GRID1: variants seen among roughly 807,000 people sequenced by gnomAD.
GRID1 encodes the protein glutamate receptor ionotropic, delta-1.
In GRID1, 28 loss-of-function variants were observed where a neutral mutation model predicts 98.0. That is an observed-to-expected ratio of 0.29 (90% CI 0.21 to 0.39). The LOEUF (loss-of-function observed/expected upper bound fraction) is 0.39, where lower values mean the gene tolerates loss of function less well. Ranked by LOEUF, GRID1 falls within the 10% of genes least tolerant of loss-of-function variation. The pLI is 1.00. For synonymous variants in GRID1, 553 were observed against 538.5 expected (o/e 1.03, Z -0.37); for missense variants, 1,111 against 1,340.5 (o/e 0.83, Z 2.67).
intron 8 of GRID1, among the ~76,000 whole-genome samples, chr10:85,737,656 ATATATATATATATATAT>A (rs1841897537): frequency 7.6e-6 from 1 of 131,902 alleles, no homozygotes; most frequent in Non-Finnish European, 1.6e-5. Context: ...ATATATATAT[ATATATATATATATATAT>A]AAACATATAT....
At chr10:85,943,746 T>G (rs1842022358) in intron 4 of GRID1, among the ~76,000 whole-genome samples, 1 of 151,888 alleles carries the variant, frequency 6.6e-6, no homozygotes, top group Non-Finnish European at 1.5e-5. Context: ...AATAAGAAAA[T>G]AAAGGAGAAT....
chr10:85,706,450 G>A (rs576755559), intron 12 of GRID1, among the ~76,000 whole-genome samples: 1 of 152,176 alleles, frequency 6.6e-6, no homozygotes, highest in Non-Finnish European at 1.5e-5. Context: ...CCACTGCTCA[G>A]TGAATAAAAG....
intron 8 of GRID1, among the ~76,000 whole-genome samples, chr10:85,751,796 T>C (rs1313657843): frequency 2.0e-5 from 3 of 152,214 alleles, no homozygotes; most frequent in African/African-American, 7.2e-5. Context: ...GTTAAATTTA[T>C]TTAAAATTTA....
intron 4 of GRID1, among the ~76,000 whole-genome samples, chr10:85,965,664 A>T (rs1217724322): frequency 6.6e-6 from 1 of 152,154 alleles, no homozygotes; most frequent in East Asian, 1.9e-4. Flanking sequence ...GAGGGATAGC[A>T]TTATGAGAAA....
At chr10:85,770,934 A>T (rs1842258476) in intron 8 of GRID1, among the ~76,000 whole-genome samples, 1 of 152,232 alleles carries the variant, frequency 6.6e-6, no homozygotes, top group Non-Finnish European at 1.5e-5. Context: ...CCAGCCTAGC[A>T]AGGCAGGCCA....
chr10:85,732,392 C>T (rs147491118), intron 8 of GRID1, among the ~76,000 whole-genome samples: 4 of 152,276 alleles, frequency 2.6e-5, no homozygotes, highest in African/African-American at 7.2e-5. Context: ...CTTCCTGGTA[C>T]GGTGAAGGGG....
intron 3 of GRID1, among the ~76,000 whole-genome samples, chr10:86,185,415 A>G (rs1845714289): frequency 6.6e-6 from 1 of 152,152 alleles, no homozygotes; most frequent in Non-Finnish European, 1.5e-5. Context: ...TATAATCAGT[A>G]AATTTAAAGT....
intron 2 of GRID1, among the ~76,000 whole-genome samples, chr10:86,247,654 G>A (rs1846753374): frequency 6.6e-6 from 1 of 152,126 alleles, no homozygotes; most frequent in Non-Finnish European, 1.5e-5. Context: ...TTTCAAAGTT[G>A]GGAAACTAAG....
chr10:86,173,195 G>A (rs1334929154), intron 3 of GRID1, among the ~76,000 whole-genome samples: 1 of 152,144 alleles, frequency 6.6e-6, no homozygotes, highest in Non-Finnish European at 1.5e-5. Flanking sequence ...GTGCCACCAT[G>A]CTTGGCTAAT....
At chr10:86,154,853 G>A (rs1425832460) in intron 3 of GRID1, among the ~76,000 whole-genome samples, 1 of 152,034 alleles carries the variant, frequency 6.6e-6, no homozygotes, top group African/African-American at 2.4e-5. Context: ...AAAACCAGGG[G>A]ACACCCCAGC....
intron 5 of GRID1, among the ~76,000 whole-genome samples, chr10:85,912,761 T>C (rs1009949482): frequency 6.6e-6 from 1 of 152,228 alleles, no homozygotes; most frequent in East Asian, 1.9e-4. Flanking sequence ...TTCTGGAGCA[T>C]GTTGGAAAGT....
At chr10:85,895,045 A>C (rs890574826) in intron 5 of GRID1, among the ~76,000 whole-genome samples, 2 of 146,282 alleles carry the variant, frequency 1.4e-5, no homozygotes, top group African/African-American at 2.5e-5. Flanking sequence ...ATATATGTAA[A>C]ATATAACTCA....
chr10:85,604,855 A>G (rs541747534), intron 15 of GRID1, among the ~76,000 whole-genome samples: 11 of 152,228 alleles, frequency 7.2e-5, no homozygotes, highest in South Asian at 2.1e-4. Context: ...CTCAGCATCA[A>G]TGATCTTTTC....
At chr10:85,781,985 G>A (rs1207846169) in intron 8 of GRID1, among the ~76,000 whole-genome samples, 2 of 152,096 alleles carry the variant, frequency 1.3e-5, no homozygotes, top group African/African-American at 2.4e-5. Flanking sequence ...TTTAACATTG[G>A]TTTGATCTAT....
At chr10:85,867,286 G>C (rs1178174041) in intron 6 of GRID1, among the ~76,000 whole-genome samples, 2 of 152,194 alleles carry the variant, frequency 1.3e-5, no homozygotes, top group East Asian at 3.8e-4. Flanking sequence ...GTTCTTCAAG[G>C]AGACTGAGTG....
chr10:85,885,774 A>G (rs1462865183), intron 5 of GRID1, among the ~76,000 whole-genome samples: 2 of 152,264 alleles, frequency 1.3e-5, no homozygotes, highest in African/African-American at 4.8e-5. Context: ...TGTGGATGAC[A>G]GAGTTAAGGA....
chr10:85,918,421 G>A lies in GRID1; in HGVS notation c.727-2182C>T, dbSNP rs149827844. Among the ~76,000 whole-genome samples, 481 of 151,152 alleles carry A rather than the reference G, an allele frequency of 3.2e-3. 2 individuals carry two copies. The highest frequency in any genetic ancestry group is 0.011 in the African/African-American group (446 of 41,148). ...TGCCCCTTCCCGTCTCCCAAGGTAT[G>A]TAAAAGCACATCGCTGGGCTCTAGC... On this transcript the variant is annotated intron_variant, in intron 4 of 15. Coordinates refer to ENST00000327946, the MANE Select transcript of GRID1 (RefSeq NM_017551.3).
At chr10:85,905,320 A>G (rs1427565790) in intron 5 of GRID1, among the ~76,000 whole-genome samples, 1 of 152,000 alleles carries the variant, frequency 6.6e-6, no homozygotes, top group Non-Finnish European at 1.5e-5. Context: ...AGTCATTTTC[A>G]GACATACAAA....
chr10:85,656,629 A>C (rs550287569), intron 12 of GRID1, among the ~76,000 whole-genome samples: 1 of 152,280 alleles, frequency 6.6e-6, no homozygotes, highest in Non-Finnish European at 1.5e-5. Context: ...CTCCCATGTC[A>C]ATCAAACACT....
Sources: gnomAD v4.1 joint callset for allele counts (sites outside exome capture counted in the v4.1 genomes callset) on GRCh38, gnomAD v4.1.1 for gene constraint, MANE v1.5 for transcripts, NCBI Gene and HGNC (gene_info 2026-07-23, HGNC 2026-07-21) for gene names.